RAD51B: variants seen among roughly 807,000 people sequenced by gnomAD.
RAD51B encodes RAD51 paralog B, also known as DNA repair protein RAD51 homolog 2.
A neutral mutation model predicts 42.2 loss-of-function variants in RAD51B; 38 were observed. That is an observed-to-expected ratio of 0.90 (90% confidence interval 0.70 to 1.18). RAD51B has a LOEUF of 1.18. Ranked by LOEUF, RAD51B falls within the 50% of genes most tolerant of loss-of-function variation. The pLI is 0.00. For synonymous variants in RAD51B, 154 were observed against 145.2 expected (o/e 1.06, Z -0.43); for missense variants, 373 against 400.7 (o/e 0.93, Z 0.59).
At chr14:68,549,959 C>A (rs1888447240) in intron 10 of RAD51B, among the ~76,000 whole-genome samples, 1 of 152,182 alleles carries the variant, frequency 6.6e-6, no homozygotes, top group Admixed American at 6.5e-5. Context: ...TCCCCCACAT[C>A]TGTTTTAGTG....
chr14:68,660,486 A>G lies in RAD51B; in HGVS notation c.*11+9630A>G, dbSNP rs114227978. Among the ~76,000 whole-genome samples, 534 of 152,336 alleles carry G rather than the reference A, an allele frequency of 3.5e-3. 3 individuals are homozygous for G. Among genetic ancestry groups the G allele is most frequent in the African/African-American group, 0.012 (511 of 41,564 alleles). On this transcript the variant is annotated intron_variant, in intron 11 of 11. Transcript: ENST00000488612. ...AAAATGGAGCTAAACATTCTGATGG[A>G]TTCAGAGAATCAGAGGACCTGGTCT...
At chr14:68,440,753 A>AAAAAG (rs1555410353) in intron 9 of RAD51B, among the ~76,000 whole-genome samples, 197 of 152,118 alleles carry the variant, frequency 1.3e-3, no homozygotes, top group African/African-American at 4.6e-3. Flanking sequence ...TCTCAAAAAA[A>AAAAAG]AAAGAAAGAA....
At chr14:68,599,829 C>T (rs943449528), downstream of RAD51B, among the ~76,000 whole-genome samples, 5 of 152,244 alleles carry the variant, frequency 3.3e-5, no homozygotes, top group African/African-American at 7.2e-5. Context: ...CAGGTCCTTC[C>T]TCCTTTCGGA....
intron 10 of RAD51B, chr14:68,545,621 A>G (rs939540681): frequency 1.8e-5 from 8 of 456,010 alleles, no homozygotes; most frequent in African/African-American, 6.0e-5. Context: ...CCACCAGAGT[A>G]GAGGTAAGAA....
intron 9 of RAD51B, among the ~76,000 whole-genome samples, chr14:68,431,502 T>A (rs1299904603): frequency 2.0e-5 from 3 of 152,230 alleles, no homozygotes; most frequent in African/African-American, 7.2e-5. Flanking sequence ...GTCCAGAAAT[T>A]CATCCATTTC....
chr14:68,348,292 G>A (rs1175171225), intron 8 of RAD51B, among the ~76,000 whole-genome samples: 1 of 152,180 alleles, frequency 6.6e-6, no homozygotes, highest in Non-Finnish European at 1.5e-5. Context: ...AGCAAGAACA[G>A]TTTGTAATGA....
chr14:68,282,444 GTTC>G (rs1473094729), intron 7 of RAD51B, among the ~76,000 whole-genome samples: 2 of 152,140 alleles, frequency 1.3e-5, no homozygotes, highest in African/African-American at 2.4e-5. Flanking sequence ...TTCTGGACTT[GTTC>G]TTCTTATGTG....
At chr14:68,107,986 A>G (rs1215199042) in intron 7 of RAD51B, among the ~76,000 whole-genome samples, 1 of 151,868 alleles carries the variant, frequency 6.6e-6, no homozygotes, top group East Asian at 1.9e-4. Context: ...ATATACCAAT[A>G]GAAAGACAAA....
chr14:68,192,785 T>C (rs1472458143), intron 7 of RAD51B, among the ~76,000 whole-genome samples: 1 of 152,202 alleles, frequency 6.6e-6, no homozygotes, highest in Non-Finnish European at 1.5e-5. Context: ...TTTATGAGAA[T>C]TCATCTTATG....
intron 7 of RAD51B, among the ~76,000 whole-genome samples, chr14:67,997,547 C>T (rs1004890365): frequency 6.6e-6 from 1 of 152,126 alleles, no homozygotes; most frequent in Non-Finnish European, 1.5e-5. Context: ...TCATCTTTTT[C>T]CTATTGTCTG....
At chr14:67,948,048 ATTTG>A (rs1373900897) in intron 7 of RAD51B, among the ~76,000 whole-genome samples, 2 of 151,968 alleles carry the variant, frequency 1.3e-5, no homozygotes, top group Non-Finnish European at 2.9e-5. Flanking sequence ...AAATAGTTCT[ATTTG>A]TTAAGGAAAA....
chr14:68,430,356 G>A lies in RAD51B; in HGVS notation c.957+18829G>A, dbSNP rs532280456. Among the ~76,000 whole-genome samples, 552 of 152,252 alleles carry A rather than the reference G, an allele frequency of 3.6e-3. 6 individuals carry two copies. Among genetic ancestry groups the A allele is most frequent in the African/African-American group, 0.013 (535 of 41,538 alleles). On this transcript the variant is annotated intron_variant, in intron 9 of 10. Transcript: ENST00000471583. Reference sequence around the variant, plus strand: ...CCTTGGGCAGTATGGCCATTTTCACGATACTGATTCTTCCTATCCATGAGC... The same window carrying A: ...CCTTGGGCAGTATGGCCATTTTCACAATACTGATTCTTCCTATCCATGAGC...
intron 7 of RAD51B, among the ~76,000 whole-genome samples, chr14:68,019,816 G>A (rs1031746553): frequency 1.3e-5 from 2 of 152,150 alleles, no homozygotes; most frequent in African/African-American, 2.4e-5. Flanking sequence ...TGTCCAATAT[G>A]GCTGCTAGAG....
Position 68,347,704 on chromosome 14 carries a change from G to A in RAD51B, c.853+55724G>A, listed in dbSNP as rs183170019. On this transcript the variant is annotated intron_variant, in intron 8 of 10. Coordinates refer to ENST00000471583, the MANE Select transcript of RAD51B (RefSeq NM_133510.4). ...TAATAATAAATAAAGAAACAGGCCCGTGAACAGCATCAGCAGTTTCAGCTA... is the reference window on the plus strand; with the variant it reads ...TAATAATAAATAAAGAAACAGGCCCATGAACAGCATCAGCAGTTTCAGCTA... Among the ~76,000 whole-genome samples, 15 of 152,226 alleles carry A rather than the reference G, an allele frequency of 9.9e-5. No individual in the cohort carries two copies. The East Asian group carries it at 2.3e-3, about 24-fold the overall frequency.
At chr14:67,844,843 G>T (rs925908953) in intron 4 of RAD51B, among the ~76,000 whole-genome samples, 2 of 152,098 alleles carry the variant, frequency 1.3e-5, no homozygotes, top group African/African-American at 2.4e-5. Context: ...CCTTTGTAGG[G>T]ACGTGGATGA....
chr14:68,098,823 A>G (rs924856927), intron 7 of RAD51B, among the ~76,000 whole-genome samples: 7 of 152,210 alleles, frequency 4.6e-5, no homozygotes, highest in African/African-American at 1.7e-4. Context: ...ATGCTCAAGC[A>G]AGGCATATCT....
At chr14:68,275,169 G>A (rs571320664) in intron 7 of RAD51B, among the ~76,000 whole-genome samples, 1 of 152,264 alleles carries the variant, frequency 6.6e-6, no homozygotes, top group South Asian at 2.1e-4. Flanking sequence ...GTGCCAGTGA[G>A]TGCTGATTAT....
intron 5 of RAD51B, among the ~76,000 whole-genome samples, chr14:67,871,564 G>A (rs2042532769): frequency 6.6e-6 from 1 of 152,032 alleles, no homozygotes; most frequent in Admixed American, 6.6e-5. Context: ...AGAAAAAGAG[G>A]GAATCCTCCC....
At chr14:67,822,974 T>C (rs1454677727) in intron 1 of RAD51B, among the ~76,000 whole-genome samples, 1 of 152,192 alleles carries the variant, frequency 6.6e-6, no homozygotes, top group Non-Finnish European at 1.5e-5. Flanking sequence ...AGGCTTTAGT[T>C]TTCTCATATG....
Sources: allele counts gnomAD v4.1 joint callset (sites outside exome capture counted in the v4.1 genomes callset), GRCh38; gene constraint gnomAD v4.1.1; transcripts MANE v1.5; gene names NCBI Gene and HGNC (gene_info 2026-07-23, HGNC 2026-07-21).